Variants in TEX9 observed in about 807,000 individuals in gnomAD.
TEX9 encodes the protein testis-expressed protein 9.
Under a neutral mutation model 59.6 loss-of-function variants are expected in TEX9, and 74 were observed. The ratio of observed to expected loss-of-function variants is 1.24; its 90% CI spans 1.03 to 1.51. The LOEUF is 1.51. Ranked by LOEUF, TEX9 falls within the 40% of genes most tolerant of loss-of-function variation. The pLI is 0.00. For missense variants in TEX9, 522 were observed against 447.8 expected (o/e 1.17, Z -1.49); for synonymous variants, 186 against 152.2 (o/e 1.22, Z -1.64).
the TEX9 span, chr15:56,456,461 C>T: frequency 6.2e-7 from 1 of 1,612,240 alleles, no homozygotes. Flanking sequence ...TTTGCCAATT[C>T]CATAGCCAGT....
At chr15:56,352,959 G>T (rs1225541259) in intron 1 of TEX9, among the ~76,000 whole-genome samples, 8 of 152,004 alleles carry the variant, frequency 5.3e-5, no homozygotes, top group Admixed American at 3.9e-4. Flanking sequence ...CTCCCACTTG[G>T]TGCATTGTCT....
intron 3 of TEX9, among the ~76,000 whole-genome samples, chr15:56,382,895 A>G (rs771594995): frequency 6.6e-6 from 1 of 152,148 alleles, no homozygotes; most frequent in Non-Finnish European, 1.5e-5. Context: ...CTAGGTCACA[A>G]TTGGTGTCTC....
At chr15:56,286,986 G>A (rs1352489563) in intron 1 of TEX9, among the ~76,000 whole-genome samples, 1 of 152,090 alleles carries the variant, frequency 6.6e-6, no homozygotes, top group Non-Finnish European at 1.5e-5. Flanking sequence ...AGGGATAGGG[G>A]AAATCCAATT....
intron 12 of TEX9, among the ~76,000 whole-genome samples, chr15:56,437,639 G>T (rs1357400475): frequency 6.6e-6 from 1 of 152,026 alleles, no homozygotes; most frequent in South Asian, 2.1e-4. Context: ...GAGAAAGAAA[G>T]AAAGGGTATT....
intron 10 of TEX9, among the ~76,000 whole-genome samples, chr15:56,412,821 G>A (rs12441438): frequency 0.044 from 6,702 of 152,148 alleles, 224 homozygotes; most frequent in Admixed American, 0.087. Flanking sequence ...TATTTTACAG[G>A]GCAGTGGTTC....
the TEX9 span, among the ~76,000 whole-genome samples, chr15:56,459,066 A>T: frequency 2.6e-5 from 4 of 152,228 alleles, no homozygotes; most frequent in Non-Finnish European, 4.4e-5. Flanking sequence ...GAATGTTTAC[A>T]TCACCCCAAA....
intron 10 of TEX9, among the ~76,000 whole-genome samples, chr15:56,426,626 T>TATATATATATACATACAC (rs1214988827): frequency 2.1e-5 from 1 of 47,178 alleles, no homozygotes; most frequent in Non-Finnish European, 5.0e-5. Flanking sequence ...TATATATATA[T>TATATATATATACATACAC]ACACACACAC....
chr15:56,420,480 G>C (rs1208281680), intron 10 of TEX9, among the ~76,000 whole-genome samples: 1 of 151,462 alleles, frequency 6.6e-6, no homozygotes, highest in African/African-American at 2.4e-5. Context: ...GCTAATTTTT[G>C]TATTTTTAGT....
At chr15:56,406,422 A>C (rs1408857393) in intron 9 of TEX9, among the ~76,000 whole-genome samples, 1 of 152,188 alleles carries the variant, frequency 6.6e-6, no homozygotes, top group Non-Finnish European at 1.5e-5. Flanking sequence ...TTCCATGTAC[A>C]AGTATTCTGT....
intron 12 of TEX9, among the ~76,000 whole-genome samples, 180 bp downstream of exon 12, chr15:56,430,334 G>A (rs1304404480): frequency 6.6e-6 from 1 of 152,150 alleles, no homozygotes; most frequent in African/African-American, 2.4e-5. Context: ...AGCCTCCAGA[G>A]TATCTGGGAC....
chr15:56,324,177 A>G (rs1489759640), intron 1 of TEX9, among the ~76,000 whole-genome samples: 4 of 110,742 alleles, frequency 3.6e-5, no homozygotes, highest in Non-Finnish European at 9.0e-5. Context: ...TCACTCTGTA[A>G]TTGCAAAAAA....
At chr15:56,365,477 G>A (rs780651968) in exon 1 of TEX9, 3 of 1,613,984 alleles carry the variant, frequency 1.9e-6, no homozygotes, top group East Asian at 2.2e-5. Context: ...TGTGTCTCAC[G>A]GTCAGTTCAA....
intron 12 of TEX9, chr15:56,434,472 G>T: frequency 7.0e-7 from 1 of 1,428,448 alleles, no homozygotes; most frequent in Non-Finnish European, 9.4e-7. Flanking sequence ...GATAGAGTTT[G>T]GTTAAATTTA....
intron 1 of TEX9, among the ~76,000 whole-genome samples, chr15:56,305,173 G>A (rs2045449151): frequency 6.6e-6 from 1 of 152,120 alleles, no homozygotes; most frequent in Non-Finnish European, 1.5e-5. Flanking sequence ...TGGATCGGAA[G>A]AGTTAATATT....
chr15:56,338,110 A>G (rs143789915), intron 1 of TEX9, among the ~76,000 whole-genome samples: 15 of 152,312 alleles, frequency 9.8e-5, no homozygotes, highest in East Asian at 7.7e-4. Flanking sequence ...GGTGGCAGCC[A>G]TAGCTTAAAG....
intron 1 of TEX9, among the ~76,000 whole-genome samples, chr15:56,354,247 G>A (rs2046642261): frequency 6.6e-6 from 1 of 152,176 alleles, no homozygotes; most frequent in Admixed American, 6.5e-5. Flanking sequence ...GAGGACATCA[G>A]CCACATCTGC....
rs116166261 is a variant in TEX9, at chr15:56,366,399, C to T, written c.119+729C>T. ...TCCAGCTTCACTGGCCTTTTAGTTCCAAAAACTCTTCCAGGTTTTCTTTCT... is the reference window on the plus strand; with the variant it reads ...TCCAGCTTCACTGGCCTTTTAGTTCTAAAAACTCTTCCAGGTTTTCTTTCT... On this transcript the variant is annotated intron_variant, in intron 2 of 12. Coordinates refer to ENST00000352903, the Ensembl canonical transcript of TEX9. 8.7e-3 allele frequency among the ~76,000 whole-genome samples: 1,318 copies of T among 152,250 alleles called. 22 individuals carry two copies. The highest frequency in any genetic ancestry group is 0.03 in the African/African-American group (1,241 of 41,534).
intron 1 of TEX9, among the ~76,000 whole-genome samples, chr15:56,317,132 C>T (rs1431240604): frequency 6.6e-6 from 1 of 152,216 alleles, no homozygotes; most frequent in Non-Finnish European, 1.5e-5. Context: ...ACGCTGGGAG[C>T]TGTAGACCGG....
chr15:56,385,677 G>A (rs1412630713), intron 4 of TEX9, among the ~76,000 whole-genome samples: 1 of 151,836 alleles, frequency 6.6e-6, no homozygotes, highest in African/African-American at 2.4e-5. Flanking sequence ...CCACTAGTTT[G>A]GGGGAAAGTT....
Sources: allele counts gnomAD v4.1 joint callset (sites outside exome capture counted in the v4.1 genomes callset), GRCh38; gene constraint gnomAD v4.1.1; transcripts MANE v1.5; gene names NCBI Gene and HGNC (gene_info 2026-07-23, HGNC 2026-07-21).